PCDH11X: variants seen among roughly 807,000 people sequenced by gnomAD.
PCDH11X encodes protocadherin 11 X-linked, also known as protocadherin-11 X-linked.
PCDH11X carries 18 observed loss-of-function variants against 53.3 expected under a neutral mutation model. That is an observed-to-expected ratio of 0.34 (90% CI 0.23 to 0.50). PCDH11X has a LOEUF of 0.50. Among genes scored for constraint, PCDH11X ranks in the 20% least tolerant of loss-of-function variants. The pLI, the probability that PCDH11X is intolerant of heterozygous loss-of-function variation, is 0.98. For missense variants in PCDH11X, 570 were observed against 1,032.4 expected (o/e 0.55, Z 6.14); for synonymous variants, 279 against 393.3 (o/e 0.71, Z 3.44).
chrX:92,616,685 A>T (rs939404099), intron 10 of PCDH11X, among the ~76,000 whole-genome samples: 1 of 109,348 alleles, frequency 9.1e-6, no homozygotes, highest in African/African-American at 3.3e-5. Context: ...GGTTTTTTTT[A>T]ATCAAAATTG....
chrX:92,537,971 T>C (rs1232864604), intron 10 of PCDH11X, among the ~76,000 whole-genome samples: 2 of 100,431 alleles, frequency 2.0e-5, no homozygotes, highest in African/African-American at 7.2e-5. Flanking sequence ...GTTTTACCGA[T>C]TTGGATGTCC....
chrX:92,108,311 T>TA (rs2064429898), intron 6 of PCDH11X, among the ~76,000 whole-genome samples: 2 of 112,000 alleles, frequency 1.8e-5, no homozygotes, highest in African/African-American at 3.2e-5. Context: ...ACACTGTGAT[T>TA]AAAAAAAGTA....
At chrX:92,400,570 A>G (rs1472294795) in intron 9 of PCDH11X, among the ~76,000 whole-genome samples, 5 of 110,215 alleles carry the variant, frequency 4.5e-5, no homozygotes, top group African/African-American at 6.6e-5. Flanking sequence ...AGTTTTGGGA[A>G]ACATATTTGC....
At chrX:91,988,384 T>C (rs1479369620) in intron 6 of PCDH11X, among the ~76,000 whole-genome samples, 1 of 112,456 alleles carries the variant, frequency 8.9e-6, no homozygotes, top group Non-Finnish European at 1.9e-5. Flanking sequence ...CATGTTGACA[T>C]ATATTGTTAA....
At chrX:92,009,475 G>A (rs2062653574) in intron 6 of PCDH11X, among the ~76,000 whole-genome samples, 2 of 110,364 alleles carry the variant, frequency 1.8e-5, no homozygotes, top group African/African-American at 6.6e-5. Context: ...ACATACTAAG[G>A]CAATGCCATT....
chrX:91,912,835 T>A (rs1185524511), intron 6 of PCDH11X, among the ~76,000 whole-genome samples: 1 of 111,255 alleles, frequency 9.0e-6, no homozygotes, highest in Non-Finnish European at 1.9e-5. Flanking sequence ...AGCAGCACAC[T>A]GCTGCAAATT....
At chrX:92,480,156 A>AC (rs1236314268) in intron 10 of PCDH11X, among the ~76,000 whole-genome samples, 1 of 111,404 alleles carries the variant, frequency 9.0e-6, no homozygotes, top group Non-Finnish European at 1.9e-5. Flanking sequence ...AATACTTGTG[A>AC]TTGCATTATG....
intron 10 of PCDH11X, among the ~76,000 whole-genome samples, chrX:92,484,470 AT>A (rs749657386): frequency 9.5e-6 from 1 of 105,249 alleles, no homozygotes; most frequent in African/African-American, 3.5e-5. Context: ...TTAATTTATT[AT>A]TTTTTCATTA....
chrX:92,456,538 A>G (rs2072911264), intron 9 of PCDH11X, among the ~76,000 whole-genome samples: 1 of 111,364 alleles, frequency 9.0e-6, no homozygotes, highest in African/African-American at 3.3e-5. Flanking sequence ...TATAATATTT[A>G]TATTTTGAGT....
chrX:92,383,890 G>A (rs984558587), intron 8 of PCDH11X, among the ~76,000 whole-genome samples: 2 of 111,726 alleles, frequency 1.8e-5, no homozygotes, highest in Non-Finnish European at 3.8e-5. Flanking sequence ...AGACCCTTGA[G>A]GAATCGCCAC....
intron 4 of PCDH11X, among the ~76,000 whole-genome samples, chrX:91,828,707 A>G (rs976774512): frequency 9.0e-6 from 1 of 111,701 alleles, no homozygotes; most frequent in African/African-American, 3.3e-5. Flanking sequence ...ATTTTTGCTT[A>G]GCGTTCTAAG....
chrX:92,421,265 T>C (rs1271976318), intron 9 of PCDH11X, among the ~76,000 whole-genome samples: 1 of 111,942 alleles, frequency 8.9e-6, no homozygotes, highest in African/African-American at 3.2e-5. Flanking sequence ...GCCTCCTCAC[T>C]CTCCACCATC....
chrX:92,566,398 CT>C (rs1350200572), intron 10 of PCDH11X, among the ~76,000 whole-genome samples: 1 of 109,547 alleles, frequency 9.1e-6, no homozygotes, highest in Non-Finnish European at 1.9e-5. Context: ...ATCTTAACCT[CT>C]TTTAGATTTG....
intron 6 of PCDH11X, among the ~76,000 whole-genome samples, chrX:91,988,731 A>G (rs2062265965): frequency 8.9e-6 from 1 of 112,281 alleles, no homozygotes; most frequent in African/African-American, 3.2e-5. Flanking sequence ...CCTGGCTGTC[A>G]TGTGATGCAG....
At chrX:91,940,922 T>C (rs1365144920) in intron 6 of PCDH11X, among the ~76,000 whole-genome samples, 2 of 110,109 alleles carry the variant, frequency 1.8e-5, no homozygotes, top group Non-Finnish European at 3.8e-5. Context: ...AGGTATATAC[T>C]ATTAGTAGTA....
Position 92,061,553 on chromosome X carries a change from G to A in PCDH11X, c.3034-139822G>A, listed in dbSNP as rs756084742. Among the ~76,000 whole-genome samples the A allele has an allele frequency of 3.4e-4, 37 of 108,462 alleles. No homozygotes were observed. In the East Asian group the frequency reaches 0.01, roughly 30 times the overall value. 94.2% of individuals were successfully genotyped at this position (108,462 alleles called of 115,157 possible). A position where few individuals can be genotyped will look rare whatever the true frequency, so the allele number is the denominator to read the frequency against. ...GTTCCGGCACCATTTATTGAATAGG[G>A]AGTCCTTTCTCCATTGCTTGTTTTT... On this transcript the variant is annotated intron_variant, in intron 6 of 10. Coordinates refer to ENST00000682573, the MANE Select transcript of PCDH11X (RefSeq NM_032968.5).
Position 92,005,643 on chromosome X carries a change from A to G in PCDH11X, c.3033+126370A>G, listed in dbSNP as rs370298235. Among the ~76,000 whole-genome samples the G allele has an allele frequency of 1.6e-3, 182 of 111,599 alleles. 4 individuals are homozygous for G. In the South Asian group the frequency reaches 0.045, roughly 27 times the overall value. On this transcript the variant is annotated intron_variant, in intron 6 of 10. Transcript: ENST00000682573. ...TTAAGATAATAGTAGTTTACATGCC[A>G]CAGTTAGTTTTATAATATTCTGTAT...
At chrX:92,041,462 T>C (rs1391716057) in intron 6 of PCDH11X, among the ~76,000 whole-genome samples, 1 of 110,836 alleles carries the variant, frequency 9.0e-6, no homozygotes, top group African/African-American at 3.3e-5. Flanking sequence ...TTCAAACATG[T>C]AGTGTTTTGA....
At chrX:92,049,224 G>A (rs2063333674) in intron 6 of PCDH11X, among the ~76,000 whole-genome samples, 1 of 111,396 alleles carries the variant, frequency 9.0e-6, no homozygotes, top group African/African-American at 3.3e-5. Flanking sequence ...TCTATAGAAT[G>A]TGGATTTTTC....
Sources: allele counts gnomAD v4.1 joint callset (sites outside exome capture counted in the v4.1 genomes callset), GRCh38; gene constraint gnomAD v4.1.1; transcripts MANE v1.5; gene names NCBI Gene and HGNC (gene_info 2026-07-23, HGNC 2026-07-21).